Variants in SPATA6 observed in about 807,000 individuals in gnomAD.
SPATA6 encodes spermatogenesis-associated protein 6.
Under a neutral mutation model 65.3 loss-of-function variants are expected in SPATA6, and 56 were observed. The ratio of observed to expected loss-of-function variants is 0.86; its 90% confidence interval spans 0.69 to 1.07. The LOEUF (loss-of-function observed/expected upper bound fraction) is 1.07. SPATA6 is among the 50% of genes least tolerant of loss of function. The pLI is 0.00. For missense variants in SPATA6, 590 were observed against 594.8 expected, an observed-to-expected ratio of 0.99 and a Z score of 0.08; for synonymous variants, 199 against 213.2, an observed-to-expected ratio of 0.93 and a Z score of 0.58.
Position 48,426,814 on chromosome 1 carries a change from T to C in SPATA6, c.239-13663A>G, listed in dbSNP as rs375803393. On this transcript the variant is annotated intron_variant, in intron 3 of 12. Transcript: ENST00000371847. ...AGCAAAATTATAATCTATTGAAAAA[T>C]TAAGGAAGTAATACAAGAAACTGAA... Among the ~76,000 whole-genome samples, 21 of 150,878 alleles carry C rather than the reference T, an allele frequency of 1.4e-4. 1 individual carries two copies. The highest frequency in any genetic ancestry group is 5.1e-4 in the African/African-American group (21 of 41,016).
intron 11 of SPATA6, among the ~76,000 whole-genome samples, chr1:48,332,965 C>T (rs1318977546): frequency 6.6e-6 from 1 of 152,118 alleles, no homozygotes; most frequent in African/African-American, 2.4e-5. Context: ...CAACCTGCTC[C>T]AGAATAACTC....
chr1:48,303,568 A>G (rs1163595839), intron 12 of SPATA6, among the ~76,000 whole-genome samples: 1 of 152,150 alleles, frequency 6.6e-6, no homozygotes, highest in Non-Finnish European at 1.5e-5. Flanking sequence ...GATGTCCTCT[A>G]GTTCCATCCA....
intron 10 of SPATA6, among the ~76,000 whole-genome samples, chr1:48,359,195 C>T (rs778352228): frequency 4.6e-5 from 7 of 151,998 alleles, no homozygotes; most frequent in Admixed American, 1.3e-4. Flanking sequence ...AACTAGATAC[C>T]ATCTACCAAA....
chr1:48,396,852 T>C (rs768219095), intron 7 of SPATA6, among the ~76,000 whole-genome samples: 18 of 151,644 alleles, frequency 1.2e-4, no homozygotes, highest in Admixed American at 6.6e-4. Flanking sequence ...GGTGGTATGG[T>C]TGTATAACAA....
Position 48,305,782 on chromosome 1 carries a change from C to T in SPATA6, c.1286+5G>A. 1 of 1,599,424 alleles carries T rather than the reference C, an allele frequency of 6.3e-7. No homozygotes were observed. The highest frequency in any genetic ancestry group is 2.3e-5 in the East Asian group (1 of 44,444). ...GAGAAGGATATACATATATTTCATT[C>T]ATACCTATACTCGGGGTCACTGTCA... On this transcript the variant is annotated splice_donor_5th_base_variant and intron_variant, in intron 12 of 12. Coordinates refer to ENST00000371847, the MANE Select transcript of SPATA6 (RefSeq NM_019073.4).
chr1:48,380,769 C>T (rs942136502), intron 9 of SPATA6, among the ~76,000 whole-genome samples: 4 of 152,186 alleles, frequency 2.6e-5, no homozygotes, highest in African/African-American at 9.6e-5. Context: ...TATGTGTTTG[C>T]ATAAATTTTA....
At chr1:48,333,966 G>A (rs190258225) in intron 11 of SPATA6, among the ~76,000 whole-genome samples, 26 of 152,224 alleles carry the variant, frequency 1.7e-4, no homozygotes, top group African/African-American at 6.3e-4. Context: ...CTATTCCATA[G>A]AAATACCAAT....
chr1:48,444,345 TG>T (rs1655808860), intron 3 of SPATA6, among the ~76,000 whole-genome samples: 1 of 151,708 alleles, frequency 6.6e-6, no homozygotes, highest in Non-Finnish European at 1.5e-5. Flanking sequence ...ATCAGCACTC[TG>T]GGTCCAGCTG....
At chr1:48,396,307 TA>T (rs1325375228) in intron 7 of SPATA6, among the ~76,000 whole-genome samples, 2 of 151,730 alleles carry the variant, frequency 1.3e-5, no homozygotes, top group Non-Finnish European at 3.0e-5. Context: ...ACACCTGCTA[TA>T]AAAAACACTA....
rs767117045 is a variant in SPATA6, at chr1:48,399,512, C to G, written c.619G>C (p.Glu207Gln). ...SKYCINAKNYEQPTISSKSHS... is the reference protein window; with the variant it reads ...SKYCINAKNYQQPTISSKSHS... Reference sequence around the variant, plus strand: ...GATTTTGAAGAAATTGTAGGCTGTTCGTAGTTTTTTGCATTTATACAGTAT... The same window carrying G: ...GATTTTGAAGAAATTGTAGGCTGTTGGTAGTTTTTTGCATTTATACAGTAT... The change falls in exon 7 of 13, where the codon GAA (glutamate) becomes CAA (glutamine). Residue 207 changes from glutamate (E) to glutamine (Q), a missense_variant. By Grantham distance (29) the Glu-to-Gln change is conservative. Transcript: ENST00000371847. 9.3e-6 allele frequency: 15 copies of G among 1,612,904 alleles called. No homozygotes were observed. Among genetic ancestry groups the G allele is most frequent in the Non-Finnish European group, 1.0e-5 (12 of 1,179,426 alleles).
chr1:48,308,450 G>T (rs1645115839), intron 11 of SPATA6, among the ~76,000 whole-genome samples: 1 of 151,876 alleles, frequency 6.6e-6, no homozygotes, highest in Admixed American at 6.6e-5. Flanking sequence ...GTTTTGTGAG[G>T]TCATCTCTTA....
intron 3 of SPATA6, among the ~76,000 whole-genome samples, chr1:48,427,242 A>G (rs908149538): frequency 2.0e-5 from 3 of 152,132 alleles, no homozygotes; most frequent in Non-Finnish European, 2.9e-5. Context: ...AAATCATTTC[A>G]TAACTGAATA....
At chr1:48,442,717 TAAAAAAAAAAAAAAAA>T (rs71056669) in intron 3 of SPATA6, among the ~76,000 whole-genome samples, 1 of 46,212 alleles carries the variant, frequency 2.2e-5, no homozygotes, top group African/African-American at 9.2e-5. Flanking sequence ...ATGGAAGTAG[TAAAAAAAAAAAAAAAA>T]AAAAAAAAAA....
At chr1:48,436,228 A>G in intron 3 of SPATA6, 1 of 1,613,476 alleles carries the variant, frequency 6.2e-7, no homozygotes, top group South Asian at 1.1e-5. Flanking sequence ...ACTGGTAACT[A>G]TAAAAATTAC....
intron 1 of SPATA6, among the ~76,000 whole-genome samples, chr1:48,457,902 C>T (rs946411355): frequency 6.6e-6 from 1 of 151,344 alleles, no homozygotes; most frequent in Non-Finnish European, 1.5e-5. Flanking sequence ...AAGACAATTA[C>T]AGAAAGCAAT....
Position 48,444,725 on chromosome 1 carries a change from A to C in SPATA6, c.238+6827T>G, listed in dbSNP as rs577608528. On this transcript the variant is annotated intron_variant, in intron 3 of 12. Coordinates refer to ENST00000371847, the MANE Select transcript of SPATA6 (RefSeq NM_019073.4). ...CTTTGTTCTTTCATTCTTCACAATA[A>C]ATCTTGCTGCTGCTCACTCTTTCGG... is the stretch of plus-strand genomic sequence containing the variant. Among the ~76,000 whole-genome samples the C allele has an allele frequency of 7.0e-4, 107 of 152,284 alleles. 1 individual carries two copies. Among genetic ancestry groups the C allele is most frequent in the African/African-American group, 2.5e-3 (104 of 41,562 alleles).
chr1:48,266,214 A>G, the SPATA6 span, among the ~76,000 whole-genome samples: 1 of 152,240 alleles, frequency 6.6e-6, no homozygotes, highest in Non-Finnish European at 1.5e-5. Context: ...AGCTTCCTCC[A>G]ATATAGCAAT....
rs151141388 is a variant in SPATA6 at position 48,439,397 on chromosome 1, A to C, written c.238+12155T>G. Among the ~76,000 whole-genome samples, 299 of 152,152 alleles carry C rather than the reference A, an allele frequency of 2.0e-3. 2 individuals carry two copies. Among genetic ancestry groups the C allele is most frequent in the Admixed American group, 0.013 (197 of 15,282 alleles). On this transcript the variant is annotated intron_variant, in intron 3 of 12. Transcript: ENST00000371847. ...GGACCATTGCGGGTTCTTGGGCAAGAGGGGTTTCTGCTGCTGCGTCAGTGA... is the reference window on the plus strand; with the variant it reads ...GGACCATTGCGGGTTCTTGGGCAAGCGGGGTTTCTGCTGCTGCGTCAGTGA...
At chr1:48,369,790 G>C (rs1430913229) in intron 9 of SPATA6, among the ~76,000 whole-genome samples, 1 of 152,174 alleles carries the variant, frequency 6.6e-6, no homozygotes, top group African/African-American at 2.4e-5. Context: ...CCACTGTCCT[G>C]CACCCACTGT....
Sources: gnomAD v4.1 joint callset for allele counts (sites outside exome capture counted in the v4.1 genomes callset) on GRCh38, gnomAD v4.1.1 for gene constraint, MANE v1.5 for transcripts, NCBI Gene and HGNC (gene_info 2026-07-23, HGNC 2026-07-21) for gene names.